NRK: variants seen among roughly 807,000 people sequenced by gnomAD.
NRK encodes nik-related protein kinase.
A neutral mutation model predicts 125.2 loss-of-function variants in NRK; 67 were observed. That is an observed-to-expected ratio of 0.54 (90% confidence interval 0.44 to 0.66). The LOEUF is 0.66. Ranked by LOEUF, NRK falls within the 30% of genes least tolerant of loss-of-function variation. The pLI, the probability that NRK is intolerant of heterozygous loss-of-function variation, is 0.00. For missense variants in NRK, 1,224 were observed against 1,192.9 expected, an observed-to-expected ratio of 1.03 and a Z score of -0.38; for synonymous variants, 458 against 429.0, an observed-to-expected ratio of 1.07 and a Z score of -0.84.
In NRK at chrX:105,945,853, C is replaced by T; in HGVS notation, c.4060-19C>T. ...TATATGGTAGGTTAACATGTCTGGC[C>T]CTTTTCATTCCCTACCAAGTATGCA... is the stretch of plus-strand genomic sequence containing the variant. On this transcript the variant is annotated intron_variant, in intron 24 of 28. Coordinates refer to ENST00000243300, the MANE Select transcript of NRK (RefSeq NM_198465.4). 8.3e-7 allele frequency: 1 copy of T among 1,198,405 alleles called. No individual in the cohort carries two copies.
chrX:105,876,750 A>G (rs976817627), intron 2 of NRK, among the ~76,000 whole-genome samples: 3 of 112,048 alleles, frequency 2.7e-5, no homozygotes, highest in African/African-American at 9.7e-5. Context: ...TCTAACTGAA[A>G]AAGGGCACAT....
chrX:105,918,936 A>C (rs2040400504), intron 16 of NRK, among the ~76,000 whole-genome samples: 1 of 103,866 alleles, frequency 9.6e-6, no homozygotes, highest in African/African-American at 3.5e-5. Flanking sequence ...TCAGAATCTT[A>C]GTGCACTCAC....
chrX:105,826,089 CAT>C (rs1345117552), intron 1 of NRK, among the ~76,000 whole-genome samples: 13 of 95,160 alleles, frequency 1.4e-4, no homozygotes, highest in African/African-American at 3.9e-4. Flanking sequence ...CACACACACA[CAT>C]ATATACATAT....
intron 2 of NRK, among the ~76,000 whole-genome samples, chrX:105,866,039 A>C (rs1344322841): frequency 9.1e-6 from 1 of 109,368 alleles, no homozygotes; most frequent in African/African-American, 3.3e-5. Flanking sequence ...CATAAAAGTC[A>C]GTACACTTTT....
At chrX:105,867,606 T>C (rs1275293500) in intron 2 of NRK, among the ~76,000 whole-genome samples, 1 of 112,268 alleles carries the variant, frequency 8.9e-6, no homozygotes, top group Non-Finnish European at 1.9e-5. Flanking sequence ...GGTGAAGCTC[T>C]CTCTTCCCTT....
At chrX:105,840,460 A>G (rs2039316764) in intron 2 of NRK, among the ~76,000 whole-genome samples, 1 of 111,594 alleles carries the variant, frequency 9.0e-6, no homozygotes, top group Non-Finnish European at 1.9e-5. Flanking sequence ...AATAAATTTA[A>G]ATATTTGGAG....
chrX:105,925,415 A>G (rs1400218219), intron 19 of NRK, among the ~76,000 whole-genome samples: 2 of 111,700 alleles, frequency 1.8e-5, no homozygotes, highest in Non-Finnish European at 3.8e-5. Context: ...TAGCATGTCT[A>G]TCACCTCAAA....
At position 105,956,380 on chromosome X, in the gene NRK, T is replaced by C. The variant is rs2040978372; in HGVS notation, c.*780T>C. 1 of 111,837 alleles carries C rather than the reference T, an allele frequency of 8.9e-6. No homozygotes were observed. The highest frequency in any genetic ancestry group is 1.9e-5 in the Non-Finnish European group (1 of 53,104). 9.2% of individuals were successfully genotyped at this position (111,837 alleles called of 1,213,427 possible). On this transcript the variant is annotated 3_prime_UTR_variant, in exon 29 of 29. Coordinates refer to ENST00000243300, the MANE Select transcript of NRK (RefSeq NM_198465.4). ...GGACTGAACTCCTATACACGTGTAC[T>C]GTAGAATGAGTATTTTTTAATACCT...
At chrX:105,929,552 G>A (rs995065754) in intron 19 of NRK, among the ~76,000 whole-genome samples, 27 of 110,227 alleles carry the variant, frequency 2.4e-4, no homozygotes, top group African/African-American at 7.9e-4. Flanking sequence ...CTGTCATTTC[G>A]TTAATTGTTT....
intron 2 of NRK, among the ~76,000 whole-genome samples, chrX:105,858,114 C>A (rs929034443): frequency 9.0e-6 from 1 of 111,479 alleles, no homozygotes; most frequent in African/African-American, 3.3e-5. Context: ...GTTTTAGATG[C>A]CTCTTGGTTA....
chrX:105,938,230 AG>A (rs1297828458), intron 22 of NRK, among the ~76,000 whole-genome samples: 1 of 111,503 alleles, frequency 9.0e-6, no homozygotes, highest in Non-Finnish European at 1.9e-5. Flanking sequence ...GACTGACAAA[AG>A]AGAGAAAAAG....
At chrX:105,858,082 C>CA (rs1417763484) in intron 2 of NRK, among the ~76,000 whole-genome samples, 2 of 111,226 alleles carry the variant, frequency 1.8e-5, no homozygotes, top group African/African-American at 6.5e-5. Flanking sequence ...AACTTTTCAG[C>CA]AAAAAATAGG....
At chrX:105,867,164 G>A (rs1047793171) in intron 2 of NRK, among the ~76,000 whole-genome samples, 3 of 111,773 alleles carry the variant, frequency 2.7e-5, no homozygotes, top group African/African-American at 6.5e-5. Context: ...AATTAATTCA[G>A]ATTGACCTTC....
At chrX:105,879,985 C>T (rs1308107676) in intron 2 of NRK, among the ~76,000 whole-genome samples, 2 of 110,526 alleles carry the variant, frequency 1.8e-5, no homozygotes, top group African/African-American at 6.6e-5. Context: ...TAACCTTCGT[C>T]GAGTGTTTTG....
intron 16 of NRK, among the ~76,000 whole-genome samples, chrX:105,918,709 T>C (rs1409524324): frequency 9.0e-6 from 1 of 110,949 alleles, no homozygotes; most frequent in Non-Finnish European, 1.9e-5. Context: ...TTTATTCATG[T>C]GGCATCTTTG....
rs2041004050 is a variant in NRK at position 105,958,372 on chromosome X, T to C, written c.*2772T>C. 8.9e-6 allele frequency: 1 copy of C among 112,287 alleles called. No homozygotes were observed. The highest frequency in any genetic ancestry group is 3.2e-5 in the African/African-American group (1 of 30,915). 9.3% of individuals were successfully genotyped at this position (112,287 alleles called of 1,213,427 possible). ...TTAGCGCTATCAGTTTCTAAATGCA[T>C]TAATTACTAACTGCCCTCTCCCAAG... On this transcript the variant is annotated 3_prime_UTR_variant, in exon 29 of 29. Transcript: ENST00000243300.
intron 23 of NRK, among the ~76,000 whole-genome samples, chrX:105,942,614 A>G (rs1485747772): frequency 1.8e-5 from 2 of 111,153 alleles, no homozygotes; most frequent in South Asian, 3.8e-4. Context: ...AGTATTCCAT[A>G]TACTAGAGTC....
intron 2 of NRK, among the ~76,000 whole-genome samples, chrX:105,871,862 A>G (rs1049095907): frequency 2.7e-5 from 3 of 111,753 alleles, no homozygotes; most frequent in African/African-American, 9.8e-5. Flanking sequence ...CATAAGCAAT[A>G]TTTATAAAGT....
chrX:105,874,031 GT>G (rs887017711), intron 2 of NRK, among the ~76,000 whole-genome samples: 8 of 111,084 alleles, frequency 7.2e-5, no homozygotes, highest in East Asian at 5.7e-4. Context: ...ATGCCCTATT[GT>G]TTTTTTTCTG....
Sources: gnomAD v4.1 joint callset for allele counts (sites outside exome capture counted in the v4.1 genomes callset) on GRCh38, gnomAD v4.1.1 for gene constraint, MANE v1.5 for transcripts, NCBI Gene and HGNC (gene_info 2026-07-23, HGNC 2026-07-21) for gene names.